The following COL4A5 variants were observed in gnomAD, a reference collection of about 807,000 sequenced individuals.
The protein encoded by COL4A5 is collagen type IV alpha 5 chain, also known as collagen alpha-5(IV) chain.
COL4A5 carries 26 observed loss-of-function variants against 130.2 expected under a neutral mutation model. The ratio of observed to expected loss-of-function variants is 0.20; its 90% CI spans 0.15 to 0.28. The LOEUF (loss-of-function observed/expected upper bound fraction) is 0.28, where lower values mean the gene tolerates loss of function less well. Among genes scored for constraint, COL4A5 ranks in the 10% least tolerant of loss-of-function variants. The pLI, the probability that COL4A5 is intolerant of heterozygous loss-of-function variation, is 1.00. For missense variants in COL4A5, 1,131 were observed against 1,344.3 expected, an observed-to-expected ratio of 0.84 and a Z score of 2.48; for synonymous variants, 496 against 439.6, an observed-to-expected ratio of 1.13 and a Z score of -1.60.
At position 108,473,633 on chromosome X, in the gene COL4A5, A is replaced by ATATATATATATATATATATT; in HGVS notation, c.81+33428_81+33429insATATATATATATATATATTT. ...TATATGTATATATATATATATATAT[A>ATATATATATATATATATATT]TTTTTTTTTTTTTGAGATGAAGTCT... is the stretch of plus-strand genomic sequence containing the variant. On this transcript the variant is annotated intron_variant, in intron 1 of 52. Transcript: ENST00000328300. Among the ~76,000 whole-genome samples, 119 of 34,534 alleles carry ATATATATATATATATATATT rather than the reference A, an allele frequency of 3.4e-3. 2 individuals carry two copies. The highest frequency in any genetic ancestry group is 5.4e-3 in the Non-Finnish European group (90 of 16,529). 30.0% of individuals were successfully genotyped at this position (34,534 alleles called of 115,157 possible).
intron 21 of COL4A5, among the ~76,000 whole-genome samples, chrX:108,593,731 G>T (rs1211334237): frequency 9.1e-6 from 1 of 109,631 alleles, no homozygotes; most frequent in Non-Finnish European, 1.9e-5. Context: ...ATGTGTGTAG[G>T]TCTGTTTCTG....
chrX:108,453,597 G>A (rs905649102), intron 1 of COL4A5, among the ~76,000 whole-genome samples: 2 of 111,166 alleles, frequency 1.8e-5, no homozygotes, highest in Non-Finnish European at 3.8e-5. Flanking sequence ...TCCAGATGAT[G>A]GGGTCTTCAA....
At position 108,675,286 on chromosome X, in the gene COL4A5, T is replaced by TA. The variant is rs753668383; in HGVS notation, c.3808+535dup. 6.3e-5 allele frequency among the ~76,000 whole-genome samples: 7 copies of TA among 111,747 alleles called. No homozygotes were observed. In the East Asian group the frequency reaches 1.4e-3, roughly 22 times the overall value. ...AACATGCAAGTTTCCCATTTTTTTT[T>TA]AATTTCGAAAAGTGCAGTGCCTTAG... On this transcript the variant is annotated intron_variant, in intron 43 of 52. Transcript: ENST00000328300.
intron 3 of COL4A5, among the ~76,000 whole-genome samples, chrX:108,561,179 G>A (rs1021695231): frequency 2.7e-5 from 3 of 111,939 alleles, no homozygotes; most frequent in East Asian, 2.8e-4. Context: ...AGGGTTCAGC[G>A]ATAGGTGACA....
intron 18 of COL4A5, 67 bp from the exon 19 acceptor site, chrX:108,586,548 A>G: frequency 9.6e-7 from 1 of 1,042,515 alleles, no homozygotes; most frequent in South Asian, 2.0e-5. Flanking sequence ...AGCTCCCATA[A>G]TGTTTTCAGG....
Position 108,451,503 on chromosome X carries a change from C to A in COL4A5, c.81+11297C>A, listed in dbSNP as rs1338494200. Among the ~76,000 whole-genome samples, 5 of 111,802 alleles carry A rather than the reference C, an allele frequency of 4.5e-5. No homozygotes were observed. The Admixed American group carries it at 4.7e-4, about 11-fold the overall frequency. ...GTATTTCTCCACATCCTCTCCAGCA[C>A]CTGCTGTTTTCTGACTTTTTAATGA... On this transcript the variant is annotated intron_variant, in intron 1 of 52. Transcript: ENST00000328300.
intron 17 of COL4A5, among the ~76,000 whole-genome samples, chrX:108,583,412 T>C (rs2066282557): frequency 8.9e-6 from 1 of 111,966 alleles, no homozygotes; most frequent in Non-Finnish European, 1.9e-5. Context: ...GCAGTCTGAC[T>C]GAGGTCATTT....
At chrX:108,666,694 C>A in intron 39 of COL4A5, 100 bp downstream of exon 39, 1 of 696,138 alleles carries the variant, frequency 1.4e-6, no homozygotes, top group Non-Finnish European at 2.2e-6. Context: ...TTCTTTCTTA[C>A]TAAGCTACCA....
intron 47 of COL4A5, among the ~76,000 whole-genome samples, chrX:108,684,739 CCTAA>C (rs1205002427): frequency 8.9e-6 from 1 of 112,365 alleles, no homozygotes; most frequent in Non-Finnish European, 1.9e-5. Context: ...GGGACTCCTC[CCTAA>C]CTAATTTCAT....
rs186193120 is a variant in COL4A5 at position 108,646,723 on chromosome X, T to G, written c.3247-8608T>G. 4.1e-3 allele frequency among the ~76,000 whole-genome samples: 457 copies of G among 112,096 alleles called. 11 individuals are homozygous for G. The highest frequency in any genetic ancestry group is 4.6e-3 in the Middle Eastern group (1 of 219). On this transcript the variant is annotated intron_variant, in intron 36 of 52. Coordinates refer to ENST00000328300, the MANE Select transcript of COL4A5 (RefSeq NM_033380.3). ...GTTTTTATGGTTTTACGTCTAACAT[T>G]TAAGTCTTTAATCCATCTTGAATTA...
chrX:108,627,186 A>G (rs2067169247), intron 36 of COL4A5: 1 of 634,026 alleles, frequency 1.6e-6, no homozygotes, highest in African/African-American at 2.4e-5. Flanking sequence ...TCTTGAAGTG[A>G]ATTTTAATTT....
At chrX:108,441,066 G>T (rs962851432) in intron 1 of COL4A5, among the ~76,000 whole-genome samples, 6 of 111,187 alleles carry the variant, frequency 5.4e-5, no homozygotes, top group Non-Finnish European at 9.4e-5. Flanking sequence ...TAGGAATGTA[G>T]AATTCAAACC....
intron 1 of COL4A5, among the ~76,000 whole-genome samples, chrX:108,454,815 G>C (rs894257718): frequency 9.1e-6 from 1 of 110,081 alleles, no homozygotes; most frequent in East Asian, 2.9e-4. Flanking sequence ...AAGGTCTCCT[G>C]CTGCCTAGGC....
chrX:108,613,363 G>A (rs2066870121), intron 29 of COL4A5, among the ~76,000 whole-genome samples: 1 of 112,170 alleles, frequency 8.9e-6, no homozygotes, highest in Non-Finnish European at 1.9e-5. Context: ...GCCATGGGAA[G>A]TACTTTGTCA....
chrX:108,598,253 T>C (rs2066556959), intron 24 of COL4A5, among the ~76,000 whole-genome samples: 1 of 111,614 alleles, frequency 9.0e-6, no homozygotes, highest in Admixed American at 9.5e-5. Flanking sequence ...CTTGTTTCTA[T>C]ATATATAGTA....
intron 1 of COL4A5, among the ~76,000 whole-genome samples, chrX:108,526,722 TTTC>T (rs1569481246): frequency 6.9e-5 from 6 of 87,402 alleles, no homozygotes; most frequent in Non-Finnish European, 1.4e-4. Flanking sequence ...TCTTTCTTTC[TTTC>T]TTCCTCCTCC....
chrX:108,449,377 G>A (rs1212502664), intron 1 of COL4A5, among the ~76,000 whole-genome samples: 1 of 111,939 alleles, frequency 8.9e-6, no homozygotes, highest in East Asian at 2.8e-4. Flanking sequence ...CTAGGGAAAC[G>A]AATGTTTTGT....
At chrX:108,556,605 C>T (rs2065825560) in intron 2 of COL4A5, among the ~76,000 whole-genome samples, 1 of 110,762 alleles carries the variant, frequency 9.0e-6, no homozygotes, top group Non-Finnish European at 1.9e-5. Context: ...TTAGAAATAG[C>T]CATTTTCTGT....
rs139712750 is a variant in COL4A5 at position 108,476,340 on chromosome X, A to G, written c.81+36134A>G. Among the ~76,000 whole-genome samples, 6 of 110,595 alleles carry G rather than the reference A, an allele frequency of 5.4e-5. No homozygotes were observed. The East Asian group carries it at 1.7e-3, about 31-fold the overall frequency. ...GGATATGTGAGATGTTTTGATACAG[A>G]CACACAATGCGTAATAATGACATCA... On this transcript the variant is annotated intron_variant, in intron 1 of 52. Coordinates refer to ENST00000328300, the MANE Select transcript of COL4A5 (RefSeq NM_033380.3).
Sources: allele counts gnomAD v4.1 joint callset (sites outside exome capture counted in the v4.1 genomes callset), GRCh38; gene constraint gnomAD v4.1.1; transcripts MANE v1.5; gene names NCBI Gene and HGNC (gene_info 2026-07-23, HGNC 2026-07-21).